The following TEX14 variants were observed in gnomAD, a reference collection of about 807,000 sequenced individuals.
The protein encoded by TEX14 is testis expressed 14, intercellular bridge forming factor.
A neutral mutation model predicts 178.6 loss-of-function variants in TEX14; 168 were observed. The ratio of observed to expected loss-of-function variants is 0.94; its 90% CI spans 0.83 to 1.07. The LOEUF (loss-of-function observed/expected upper bound fraction) is 1.07, where lower values mean the gene tolerates loss of function less well. Ranked by LOEUF, TEX14 falls within the 50% of genes least tolerant of loss-of-function variation. The probability of loss-of-function intolerance (pLI) is 0.00; values close to 1 mark genes in which losing one functional copy is unlikely to be tolerated. For missense variants in TEX14, 1,730 were observed against 1,753.6 expected (o/e 0.99, Z 0.24); for synonymous variants, 626 against 634.1 (o/e 0.99, Z 0.19).
intron 1 of TEX14, among the ~76,000 whole-genome samples, chr17:58,667,052 C>T (rs1355326522): frequency 6.6e-6 from 1 of 152,174 alleles, no homozygotes; most frequent in African/African-American, 2.4e-5. Flanking sequence ...CTGACAAAAA[C>T]GCACCACCTC....
chr17:58,626,264 G>A (rs560133796), intron 3 of TEX14, among the ~76,000 whole-genome samples: 7 of 152,130 alleles, frequency 4.6e-5, no homozygotes, highest in African/African-American at 1.4e-4. Context: ...TCCACTGAGC[G>A]TATAGGAATA....
chr17:58,593,674 TA>T lies in TEX14; in HGVS notation c.2470-14del. On this transcript the variant is annotated splice_polypyrimidine_tract_variant and intron_variant, in intron 14 of 31. Transcript: ENST00000349033. Reference sequence around the variant, plus strand: ...AAAGAGTCGGCAGCTTAAAAAGCAATAAACATGTTTCAGGGCTTTGATGAGA... The same window carrying T: ...AAAGAGTCGGCAGCTTAAAAAGCAATAACATGTTTCAGGGCTTTGATGAGA... The T allele has an allele frequency of 6.2e-7, 1 of 1,608,430 alleles. No individual in the cohort carries two copies. Among genetic ancestry groups the T allele is most frequent in the African/African-American group, 1.3e-5 (1 of 74,892 alleles).
At position 58,569,091 on chromosome 17, in the gene TEX14, C is replaced by T. The variant is rs2144353536; in HGVS notation, c.3886+101G>A. 1 of 1,002,234 alleles carries T rather than the reference C, an allele frequency of 1.0e-6. No individual in the cohort carries two copies. The highest frequency in any genetic ancestry group is 1.5e-6 in the Non-Finnish European group (1 of 678,688). The allele number at this position is 1,002,234 out of a possible 1,614,324, so 62.1% of individuals were successfully genotyped here. A position where few individuals can be genotyped will look rare whatever the true frequency, so the allele number is the denominator to read the frequency against. ...ATATTCAACCAGGCCATCATACAGC[C>T]TTTTATACTAGTGTTCACACTTGAG... On this transcript the variant is annotated intron_variant, in intron 26 of 31. Transcript: ENST00000349033. The surrounding 1 kb of genome is among the most constrained non-coding windows in gnomAD (Gnocchi z 4.1).
In TEX14 at chr17:58,622,900, C is replaced by A. The variant is rs779935198; in HGVS notation, c.364G>T (p.Gly122Cys). Residue 122 changes from glycine (G) to cysteine (C), a missense_variant, in exon 4 of 32, where the codon GGT (glycine) becomes TGT (cysteine). By Grantham distance (159) the Gly-to-Cys change is radical (BLOSUM62 -3). Transcript: ENST00000349033. The stretch of plus-strand genomic sequence containing the variant: ...AAAGCCCAAGTCTTCGGGTTTTGAC[C>A]CCTCTCATCGTGGAGTCGCAGGTCA... ...GGDLRLHDERGQNPKTWALTA... is the reference protein window; with the variant it reads ...GGDLRLHDERCQNPKTWALTA... 1.9e-6 allele frequency: 3 copies of A among 1,613,186 alleles called. No homozygotes were observed. The East Asian group carries it at 6.7e-5, about 36-fold the overall frequency.
intron 1 of TEX14, among the ~76,000 whole-genome samples, chr17:58,678,770 A>G (rs1220322135): frequency 1.3e-5 from 2 of 151,214 alleles, no homozygotes; most frequent in Non-Finnish European, 1.5e-5. Flanking sequence ...ACATGTATAC[A>G]TATGTAACAA....
At chr17:58,594,001 A>C (rs749038389) in intron 14 of TEX14, among the ~76,000 whole-genome samples, 2 of 151,948 alleles carry the variant, frequency 1.3e-5, no homozygotes, top group Non-Finnish European at 2.9e-5. Context: ...CACCCAGCTA[A>C]TTTTTGTATT....
At chr17:58,587,502 G>T in intron 17 of TEX14, 79 bp downstream of exon 17, 2 of 878,454 alleles carry the variant, frequency 2.3e-6, no homozygotes, top group Non-Finnish European at 3.6e-6. Context: ...CACAGGTTGT[G>T]TACTTAGAAA....
chr17:58,674,866 C>T lies in TEX14; in HGVS notation c.-2+17073G>A, dbSNP rs567340906. 9.6e-3 allele frequency among the ~76,000 whole-genome samples: 1,433 copies of T among 149,588 alleles called. 14 individuals carry two copies. Among genetic ancestry groups the T allele is most frequent in the African/African-American group, 0.034 (1,377 of 40,696 alleles). On this transcript the variant is annotated intron_variant, in intron 1 of 31. Transcript: ENST00000349033. ...AAAAAAAAAAAAAAGGCAGGTAGGC[C>T]GGGCACGGTGGCTCACACCTGTAAT...
At chr17:58,679,928 G>A (rs1341696364) in intron 1 of TEX14, among the ~76,000 whole-genome samples, 1 of 152,096 alleles carries the variant, frequency 6.6e-6, no homozygotes, top group Non-Finnish European at 1.5e-5. Flanking sequence ...CACCCCTTTG[G>A]ATGATCTCAT....
At chr17:58,596,191 TAAAA>T (rs966629664) in intron 14 of TEX14, among the ~76,000 whole-genome samples, 113 of 146,992 alleles carry the variant, frequency 7.7e-4, no homozygotes, top group African/African-American at 2.5e-3. Flanking sequence ...TTTAAAAATT[TAAAA>T]AAAAAAAAGT....
chr17:58,678,748 A>C (rs533890904), intron 1 of TEX14, among the ~76,000 whole-genome samples: 2 of 151,524 alleles, frequency 1.3e-5, no homozygotes, highest in Admixed American at 6.6e-5. Flanking sequence ...GGGTGCAGCA[A>C]ACCAACATGG....
intron 2 of TEX14, among the ~76,000 whole-genome samples, chr17:58,644,700 G>A (rs1446009368): frequency 2.9e-5 from 4 of 137,050 alleles, no homozygotes; most frequent in Non-Finnish European, 6.2e-5. Context: ...AGGCTAGAGT[G>A]GCAAGATCTC....
At chr17:58,598,852 A>C in intron 14 of TEX14, 24 bp downstream of exon 14, 1 of 1,557,864 alleles carries the variant, frequency 6.4e-7, no homozygotes. Context: ...TTTTGCCAAA[A>C]TGTCCCCCTT....
intron 1 of TEX14, among the ~76,000 whole-genome samples, chr17:58,654,034 C>T (rs551480338): frequency 7.7e-4 from 117 of 152,134 alleles, no homozygotes; most frequent in Non-Finnish European, 1.5e-3. Flanking sequence ...AAAAATTAGC[C>T]GGGCATGGTG....
chr17:58,600,009 G>T (rs2045391397), intron 13 of TEX14, among the ~76,000 whole-genome samples: 1 of 152,028 alleles, frequency 6.6e-6, no homozygotes, highest in African/African-American at 2.4e-5. Flanking sequence ...GTTTTCTTTT[G>T]TTTTATAGAG....
chr17:58,602,478 C>T lies in TEX14; in HGVS notation c.1449G>A (p.Lys483=), dbSNP rs1239524991. The T allele has an allele frequency of 1.7e-5, 28 of 1,613,848 alleles. 1 individual carries two copies. In the South Asian group the frequency reaches 2.0e-4, roughly 11 times the overall value. ...RLPKPYYDIV[K]SGIHVKQKDR... ...CTTTCTGCTTGACGTGGATGCCTGA[C>T]TTAACAATATCATAGTAAGGTTTCG... Residue 483 remains lysine, a synonymous_variant, in exon 12 of 32, where the codon AAG becomes AAA. Transcript: ENST00000349033.
chr17:58,683,052 C>CAAAAAAAAAAAAAAA (rs1194798521), intron 1 of TEX14, among the ~76,000 whole-genome samples: 4 of 54,034 alleles, frequency 7.4e-5, no homozygotes, highest in African/African-American at 2.7e-4. Flanking sequence ...GAGTCTGTCT[C>CAAAAAAAAAAAAAAA]AAAAAAAAAA....
intron 13 of TEX14, among the ~76,000 whole-genome samples, chr17:58,600,111 G>T (rs893851943): frequency 2.0e-5 from 3 of 152,186 alleles, no homozygotes; most frequent in African/African-American, 7.2e-5. Flanking sequence ...GGGATTACAG[G>T]TGTGAGCCAC....
At chr17:58,594,551 C>T (rs578021050) in intron 14 of TEX14, among the ~76,000 whole-genome samples, 146 of 152,046 alleles carry the variant, frequency 9.6e-4, no homozygotes, top group African/African-American at 3.3e-3. Flanking sequence ...CGTGGTTTCA[C>T]CATGTTGGCC....
Sources: allele counts gnomAD v4.1 joint callset (sites outside exome capture counted in the v4.1 genomes callset), GRCh38; gene constraint gnomAD v4.1.1; non-coding constraint Gnocchi (gnomAD v3.1); transcripts MANE v1.5; gene names NCBI Gene and HGNC (gene_info 2026-07-23, HGNC 2026-07-21).